The following TPX2 variants were observed in gnomAD, a reference collection of about 807,000 sequenced individuals.
The protein encoded by TPX2 is targeting protein for Xklp2.
A neutral mutation model predicts 93.6 loss-of-function variants in TPX2; 21 were observed. The observed-to-expected ratio is 0.22, with a 90% CI of 0.16 to 0.32. The LOEUF is 0.32. Ranked by LOEUF, TPX2 falls within the 10% of genes least tolerant of loss-of-function variation. TPX2 has a pLI of 1.00. For synonymous variants in TPX2, 281 were observed against 298.3 expected, an observed-to-expected ratio of 0.94 and a Z score of 0.60; for missense variants, 776 against 871.1, an observed-to-expected ratio of 0.89 and a Z score of 1.37.
intron 2 of TPX2, among the ~76,000 whole-genome samples, chr20:31,746,299 C>T (rs2061783299): frequency 6.6e-6 from 1 of 152,174 alleles, no homozygotes; most frequent in Admixed American, 6.5e-5. Context: ...ATTATGTTGC[C>T]ATTTACTGAC....
chr20:31,800,104 G>A (rs1034945575), intron 17 of TPX2, among the ~76,000 whole-genome samples: 1 of 152,032 alleles, frequency 6.6e-6, no homozygotes, highest in Admixed American at 6.6e-5. Flanking sequence ...TAAATAAAAT[G>A]CTAGACTAGC....
intron 4 of TPX2, 54 bp from the exon 5 acceptor site, chr20:31,766,502 C>T: frequency 7.3e-7 from 1 of 1,376,826 alleles, no homozygotes; most frequent in Middle Eastern, 2.1e-4. Flanking sequence ...TGTGTCTCAT[C>T]TCCAATTATT....
chr20:31,774,344 C>G (rs889550744), intron 7 of TPX2, among the ~76,000 whole-genome samples: 1 of 152,162 alleles, frequency 6.6e-6, no homozygotes, highest in Non-Finnish European at 1.5e-5. Context: ...TATTTGCTGA[C>G]AAGATTGTAT....
chr20:31,792,213 G>A (rs1326572678), intron 12 of TPX2, among the ~76,000 whole-genome samples: 1 of 151,890 alleles, frequency 6.6e-6, no homozygotes, highest in East Asian at 2.0e-4. Flanking sequence ...AAAATGATTA[G>A]CTGGGCAAAG....
chr20:31,787,874 T>C (rs755649299), intron 12 of TPX2, among the ~76,000 whole-genome samples: 1 of 152,166 alleles, frequency 6.6e-6, no homozygotes, highest in Non-Finnish European at 1.5e-5. Context: ...TCAATTTATA[T>C]TGTCAGGGTG....
intron 7 of TPX2, among the ~76,000 whole-genome samples, chr20:31,775,170 G>A (rs1485629639): frequency 2.0e-5 from 3 of 152,048 alleles, no homozygotes; most frequent in African/African-American, 7.2e-5. Flanking sequence ...TGTTGGCCAG[G>A]TTGGTCTCGA....
At chr20:31,785,622 C>T (rs572141191) in intron 12 of TPX2, among the ~76,000 whole-genome samples, 6 of 152,144 alleles carry the variant, frequency 3.9e-5, no homozygotes, top group South Asian at 4.2e-4. Flanking sequence ...CTTAGCCTCC[C>T]GAGTAGTTGG....
intron 2 of TPX2, 46 bp downstream of exon 2, chr20:31,742,693 C>T (rs1486026834): frequency 6.6e-6 from 1 of 152,178 alleles, no homozygotes; most frequent in Admixed American, 6.5e-5. Flanking sequence ...ATATCAGCTT[C>T]ATAAGTGTTT....
chr20:31,772,107 G>T (rs2061967838), intron 7 of TPX2, among the ~76,000 whole-genome samples: 1 of 146,708 alleles, frequency 6.8e-6, no homozygotes, highest in South Asian at 2.1e-4. Flanking sequence ...TGCAACCTCT[G>T]CCTCCCGAGT....
At chr20:31,766,821 C>T (rs6058456) in intron 5 of TPX2, 139 bp downstream of exon 5, 55,365 of 789,610 alleles carry the variant, frequency 0.07, 2,399 homozygotes, top group African/African-American at 0.14. Flanking sequence ...TTTTTTGAGA[C>T]GGAGTGTTTC....
chr20:31,752,221 A>G (rs769739622), intron 2 of TPX2, among the ~76,000 whole-genome samples: 1 of 152,188 alleles, frequency 6.6e-6, no homozygotes, highest in Admixed American at 6.5e-5. Context: ...GATGACTGCC[A>G]TAGCTCCAGC....
chr20:31,777,949 G>A lies in TPX2; in HGVS notation c.882+311G>A, dbSNP rs1428986730. On this transcript the variant is annotated intron_variant, in intron 9 of 17. Transcript: ENST00000300403. ...CTGCCACCACTCCCAGCTAATTTTT[G>A]TATTTTGTAGAGACAGGGTATCCCC... is the stretch of plus-strand genomic sequence containing the variant. 2.6e-5 allele frequency among the ~76,000 whole-genome samples: 4 copies of A among 152,060 alleles called. No homozygotes were observed. The East Asian group carries it at 5.8e-4, about 22-fold the overall frequency.
intron 13 of TPX2, among the ~76,000 whole-genome samples, chr20:31,793,277 A>G (rs1052570012): frequency 6.6e-6 from 1 of 152,224 alleles, no homozygotes; most frequent in African/African-American, 2.4e-5. Flanking sequence ...CGTTTATGGA[A>G]TTGTAATATA....
chr20:31,775,883 A>G lies in TPX2; in HGVS notation c.625A>G (p.Ser209Gly). Residue 209 changes from serine to glycine, a missense_variant, in exon 8 of 18, where the codon AGT (serine) becomes GGT (glycine). Coordinates refer to ENST00000300403, the MANE Select transcript of TPX2 (RefSeq NM_012112.5). Reference sequence around the variant, plus strand: ...TCTCTTTAGGCAGAAGTTTCTAAAAAGTACTGAGGAGCAAGAGCTGGAGAA... The same window carrying G: ...TCTCTTTAGGCAGAAGTTTCTAAAAGGTACTGAGGAGCAAGAGCTGGAGAA... ...MPPAKQKFLK[S>G]TEEQELEKSM... is the part of the protein sequence containing the mutation. 6.3e-7 allele frequency: 1 copy of G among 1,579,498 alleles called. No homozygotes were observed. Among genetic ancestry groups the G allele is most frequent in the South Asian group, 1.2e-5 (1 of 85,304 alleles).
chr20:31,771,430 A>G (rs1220639090), intron 6 of TPX2, 130 bp from the exon 7 acceptor site: 3 of 1,181,450 alleles, frequency 2.5e-6, no homozygotes, highest in South Asian at 3.5e-5. Context: ...TGGAAGAATC[A>G]TGTGGTCGAA....
chr20:31,747,610 G>A (rs2061792125), intron 2 of TPX2, among the ~76,000 whole-genome samples: 1 of 152,124 alleles, frequency 6.6e-6, no homozygotes, highest in Non-Finnish European at 1.5e-5. Flanking sequence ...TTGGGTCTTT[G>A]TAGGAATATT....
At chr20:31,758,064 G>A (rs905413908) in intron 3 of TPX2, among the ~76,000 whole-genome samples, 14 of 151,024 alleles carry the variant, frequency 9.3e-5, no homozygotes, top group Non-Finnish European at 1.6e-4. Context: ...TACCATCACA[G>A]TCAAGATCTT....
At chr20:31,771,940 C>A (rs1256023773) in intron 7 of TPX2, among the ~76,000 whole-genome samples, 1 of 151,934 alleles carries the variant, frequency 6.6e-6, no homozygotes, top group Admixed American at 6.6e-5. Context: ...CATCCTTGAC[C>A]TCCTGGGCTT....
At chr20:31,773,630 A>C (rs2061978037) in intron 7 of TPX2, among the ~76,000 whole-genome samples, 1 of 152,032 alleles carries the variant, frequency 6.6e-6, no homozygotes, top group African/African-American at 2.4e-5. Flanking sequence ...TTATTTTCTT[A>C]TTATCTCATC....
Sources: allele counts gnomAD v4.1 joint callset (sites outside exome capture counted in the v4.1 genomes callset), GRCh38; gene constraint gnomAD v4.1.1; transcripts MANE v1.5; gene names NCBI Gene and HGNC (gene_info 2026-07-23, HGNC 2026-07-21).